SNTB1: variants seen among roughly 807,000 people sequenced by gnomAD.
SNTB1 encodes syntrophin beta 1.
Under a neutral mutation model 48.9 loss-of-function variants are expected in SNTB1, and 36 were observed. The ratio of observed to expected loss-of-function variants is 0.74; its 90% confidence interval spans 0.56 to 0.97. SNTB1 has a LOEUF of 0.97. SNTB1 is among the 50% of genes least tolerant of loss of function. SNTB1 has a pLI of 0.00. For synonymous variants in SNTB1, 299 were observed against 294.6 expected (o/e 1.01, Z -0.15); for missense variants, 786 against 703.4 (o/e 1.12, Z -1.33).
chr8:120,782,741 C>T (rs754764540), intron 1 of SNTB1, among the ~76,000 whole-genome samples: 10 of 152,124 alleles, frequency 6.6e-5, no homozygotes, highest in South Asian at 2.1e-4. Context: ...GGATACGTCA[C>T]GTTTTAAGAG....
At chr8:120,594,237 T>C (rs1041828746) in intron 3 of SNTB1, among the ~76,000 whole-genome samples, 14 of 151,872 alleles carry the variant, frequency 9.2e-5, no homozygotes, top group African/African-American at 3.4e-4. Flanking sequence ...CTATTATGTA[T>C]GTATGTATGT....
At chr8:120,662,104 A>C (rs1817598054) in intron 2 of SNTB1, among the ~76,000 whole-genome samples, 1 of 152,014 alleles carries the variant, frequency 6.6e-6, no homozygotes, top group African/African-American at 2.4e-5. Flanking sequence ...AGACACTTTC[A>C]CCTCTTTTGT....
At chr8:120,646,443 C>A (rs375671822) in intron 2 of SNTB1, among the ~76,000 whole-genome samples, 3 of 150,092 alleles carry the variant, frequency 2.0e-5, no homozygotes, top group Non-Finnish European at 4.5e-5. Context: ...TTGTCTTTGG[C>A]TCTGTTTAAA....
intron 3 of SNTB1, among the ~76,000 whole-genome samples, chr8:120,623,454 A>G (rs932332935): frequency 9.8e-5 from 15 of 152,320 alleles, no homozygotes; most frequent in African/African-American, 3.6e-4. Flanking sequence ...CAAAGAATCC[A>G]ATCACATCCT....
chr8:120,667,354 A>G (rs984102705), intron 2 of SNTB1, among the ~76,000 whole-genome samples: 26 of 152,182 alleles, frequency 1.7e-4, no homozygotes, highest in South Asian at 6.2e-4. Context: ...ACCTGCCTCA[A>G]TGGTTTTGTG....
chr8:120,574,591 A>G (rs1219750551), intron 4 of SNTB1, among the ~76,000 whole-genome samples: 1 of 152,224 alleles, frequency 6.6e-6, no homozygotes, highest in Non-Finnish European at 1.5e-5. Context: ...GAAGGACCTG[A>G]AAAACCGAGC....
At chr8:120,583,508 T>C (rs535482328) in intron 3 of SNTB1, among the ~76,000 whole-genome samples, 3 of 112,826 alleles carry the variant, frequency 2.7e-5, no homozygotes, top group Middle Eastern at 4.5e-3. Flanking sequence ...GGAAACTCCG[T>C]CTCAAAACAC....
intron 2 of SNTB1, among the ~76,000 whole-genome samples, chr8:120,683,788 GA>G (rs1817979827): frequency 6.6e-6 from 1 of 152,008 alleles, no homozygotes; most frequent in African/African-American, 2.4e-5. Context: ...TGAGTACAGA[GA>G]GAAAAAAAAG....
chr8:120,735,278 C>G (rs1487340825), intron 1 of SNTB1, among the ~76,000 whole-genome samples: 3 of 151,988 alleles, frequency 2.0e-5, no homozygotes, highest in African/African-American at 7.3e-5. Context: ...GGACCTGGAG[C>G]CCTGAAGTGA....
At chr8:120,749,913 T>G (rs1819183179) in intron 1 of SNTB1, among the ~76,000 whole-genome samples, 1 of 152,158 alleles carries the variant, frequency 6.6e-6, no homozygotes, top group African/African-American at 2.4e-5. Context: ...CTCAAAGCCA[T>G]AACATGGTTC....
intron 1 of SNTB1, among the ~76,000 whole-genome samples, chr8:120,794,961 A>C (rs925983775): frequency 5.3e-5 from 8 of 152,060 alleles, no homozygotes; most frequent in Non-Finnish European, 1.2e-4. Flanking sequence ...TGCAAACCAG[A>C]GTCTCAGACT....
chr8:120,746,222 A>G (rs1819123264), intron 1 of SNTB1, among the ~76,000 whole-genome samples: 1 of 152,204 alleles, frequency 6.6e-6, no homozygotes. Flanking sequence ...GATGATGAGG[A>G]TGAAGACCTG....
intron 3 of SNTB1, among the ~76,000 whole-genome samples, chr8:120,619,556 G>C (rs1168629337): frequency 1.3e-5 from 2 of 152,030 alleles, no homozygotes; most frequent in Non-Finnish European, 2.9e-5. Context: ...AGCTCTCTTT[G>C]GAAACCCCAT....
intron 4 of SNTB1, among the ~76,000 whole-genome samples, chr8:120,566,713 C>G (rs890464094): frequency 4.6e-5 from 7 of 152,072 alleles, no homozygotes; most frequent in African/African-American, 1.7e-4. Context: ...GGGTCCCATC[C>G]CCAGAGTTTC....
intron 1 of SNTB1, among the ~76,000 whole-genome samples, chr8:120,805,420 A>G (rs914049747): frequency 2.0e-5 from 3 of 152,214 alleles, no homozygotes; most frequent in African/African-American, 7.2e-5. Context: ...ATGAAAGGGA[A>G]GCAGAAAAGA....
intron 1 of SNTB1, among the ~76,000 whole-genome samples, chr8:120,783,101 G>A (rs771141942): frequency 6.8e-4 from 103 of 152,248 alleles, no homozygotes; most frequent in Non-Finnish European, 1.2e-3. Context: ...AACTATTCTG[G>A]TTAATTTTGA....
rs137946507 is a variant in SNTB1, at chr8:120,599,686, T to A, written c.997-24461A>T. The stretch of plus-strand genomic sequence containing the variant: ...TATAATTTGAAGAATAATTAAGAGT[T>A]ATTTTATATATGTCAAAGAGATGTC... On this transcript the variant is annotated intron_variant, in intron 3 of 6. Coordinates refer to ENST00000517992, the MANE Select transcript of SNTB1 (RefSeq NM_021021.4). Among the ~76,000 whole-genome samples the A allele has an allele frequency of 4.6e-3, 700 of 152,332 alleles. 8 individuals carry two copies. Among genetic ancestry groups the A allele is most frequent in the African/African-American group, 0.016 (667 of 41,586 alleles).
At chr8:120,750,377 C>T (rs748852278) in intron 1 of SNTB1, among the ~76,000 whole-genome samples, 11 of 152,104 alleles carry the variant, frequency 7.2e-5, no homozygotes, top group East Asian at 3.9e-4. Flanking sequence ...GCCCCAACAC[C>T]GATTGATTTG....
At chr8:120,555,166 G>C (rs1331581444) in intron 4 of SNTB1, among the ~76,000 whole-genome samples, 1 of 152,166 alleles carries the variant, frequency 6.6e-6, no homozygotes, top group Non-Finnish European at 1.5e-5. Flanking sequence ...GGAATATCCG[G>C]GGTTGTCCCG....
Sources: gnomAD v4.1 joint callset for allele counts (sites outside exome capture counted in the v4.1 genomes callset) on GRCh38, gnomAD v4.1.1 for gene constraint, MANE v1.5 for transcripts, NCBI Gene and HGNC (gene_info 2026-07-23, HGNC 2026-07-21) for gene names.